The following BRINP3 variants were observed in gnomAD, a reference collection of about 807,000 sequenced individuals.
BRINP3 encodes the protein BMP/retinoic acid-inducible neural-specific protein 3.
BRINP3 carries 19 observed loss-of-function variants against 71.0 expected under a neutral mutation model. The ratio of observed to expected loss-of-function variants is 0.27; its 90% CI spans 0.19 to 0.39. BRINP3 has a LOEUF of 0.39. Among genes scored for constraint, BRINP3 ranks in the 10% least tolerant of loss-of-function variants. The pLI is 1.00. For synonymous variants in BRINP3, 380 were observed against 337.7 expected (o/e 1.13, Z -1.37); for missense variants, 959 against 940.8 (o/e 1.02, Z -0.25).
chr1:190,317,311 C>T (rs1292145502), intron 2 of BRINP3, among the ~76,000 whole-genome samples: 1 of 152,034 alleles, frequency 6.6e-6, no homozygotes, highest in Admixed American at 6.6e-5. Flanking sequence ...CCAAACTCAG[C>T]CATTACCAAG....
intron 2 of BRINP3, among the ~76,000 whole-genome samples, chr1:190,282,629 CT>C (rs1173338940): frequency 2.0e-5 from 3 of 151,872 alleles, no homozygotes; most frequent in African/African-American, 4.8e-5. Context: ...CATGTGCAAT[CT>C]TTATTTCTAT....
At chr1:190,169,521 C>A (rs939121404) in intron 6 of BRINP3, among the ~76,000 whole-genome samples, 1 of 152,118 alleles carries the variant, frequency 6.6e-6, no homozygotes, top group Non-Finnish European at 1.5e-5. Flanking sequence ...TAAATAAATT[C>A]CTTTCTGCTG....
At chr1:190,171,110 G>C (rs1651969962) in intron 6 of BRINP3, among the ~76,000 whole-genome samples, 1 of 152,162 alleles carries the variant, frequency 6.6e-6, no homozygotes, top group East Asian at 1.9e-4. Context: ...TAAAGTGAAG[G>C]TGGTGAGAGA....
At chr1:190,447,349 TTA>T (rs199554405) in intron 2 of BRINP3, among the ~76,000 whole-genome samples, 79 of 144,368 alleles carry the variant, frequency 5.5e-4, no homozygotes, top group East Asian at 2.2e-3. Context: ...TTTGAACATC[TTA>T]TATATATATA....
chr1:190,432,728 T>A (rs1674183454), intron 2 of BRINP3, among the ~76,000 whole-genome samples: 1 of 152,160 alleles, frequency 6.6e-6, no homozygotes, highest in African/African-American at 2.4e-5. Flanking sequence ...TGAATACTAA[T>A]TTAATCCATC....
intron 7 of BRINP3, among the ~76,000 whole-genome samples, chr1:190,153,585 G>C (rs1656606327): frequency 6.6e-6 from 1 of 152,200 alleles, no homozygotes; most frequent in Admixed American, 6.5e-5. Context: ...ACATGTAAGT[G>C]TAAGAAAAAA....
At chr1:190,194,842 T>G (rs1182025034) in intron 6 of BRINP3, among the ~76,000 whole-genome samples, 1 of 152,100 alleles carries the variant, frequency 6.6e-6, no homozygotes, top group Non-Finnish European at 1.5e-5. Flanking sequence ...AGCTAACGTC[T>G]GAAGGCCATG....
At position 190,204,220 on chromosome 1, in the gene BRINP3, G is replaced by A. The variant is rs1655290617; in HGVS notation, c.961+21862C>T. On this transcript the variant is annotated intron_variant, in intron 6 of 7. Transcript: ENST00000367462. The stretch of plus-strand genomic sequence containing the variant: ...TTGTAAAATAAATAAGACCTGAGCT[G>A]ATTTTCATCTTTCTGTAGATAGTTG... Among the ~76,000 whole-genome samples, 7 of 151,980 alleles carry A rather than the reference G, an allele frequency of 4.6e-5. No individual in the cohort carries two copies. In the South Asian group the frequency reaches 1.5e-3, roughly 31 times the overall value.
chr1:190,167,218 A>G (rs1651633950), intron 6 of BRINP3, among the ~76,000 whole-genome samples: 1 of 152,186 alleles, frequency 6.6e-6, no homozygotes, highest in African/African-American at 2.4e-5. Context: ...ATCTGGGCTT[A>G]TACAGGTACA....
At position 190,265,004 on chromosome 1, in the gene BRINP3, G is replaced by C. The variant is rs147308061; in HGVS notation, c.479C>G (p.Ala160Gly). Residue 160 changes from alanine (A) to glycine (G), a missense_variant, in exon 4 of 8, where the codon GCT (alanine) becomes GGT (glycine). Ala to Gly is a moderately conservative substitution (Grantham distance 60, BLOSUM62 0). Coordinates refer to ENST00000367462, the MANE Select transcript of BRINP3 (RefSeq NM_199051.3). Reference protein sequence around the residue: ...FVDKRKLSKRAEGSDSTTNSS... With the variant: ...FVDKRKLSKRGEGSDSTTNSS... ...ATTGGTGGTGGAATCACTTCCTTCAGCTCGTTTGCTCAACTTCCGCTTGTC... is the reference window on the plus strand; with the variant it reads ...ATTGGTGGTGGAATCACTTCCTTCACCTCGTTTGCTCAACTTCCGCTTGTC... 1 of 1,610,770 alleles carries C rather than the reference G, an allele frequency of 6.2e-7. No individual in the cohort carries two copies. Among genetic ancestry groups the C allele is most frequent in the Non-Finnish European group, 8.5e-7 (1 of 1,178,636 alleles).
rs200642622 is a variant in BRINP3, at chr1:190,320,015, CGT to C, written c.237-38267_237-38266del. On this transcript the variant is annotated intron_variant, in intron 2 of 7. Transcript: ENST00000367462. ...TTTAAATTTTGATCTTTGTGATATA[CGT>C]GTGTGTGTGTGTGTAAATGTATGTG... Among the ~76,000 whole-genome samples, 11 of 150,720 alleles carry C rather than the reference CGT, an allele frequency of 7.3e-5. No individual in the cohort carries two copies. The East Asian group carries it at 1.2e-3, about 16-fold the overall frequency.
intron 6 of BRINP3, among the ~76,000 whole-genome samples, chr1:190,191,424 G>C (rs1049291484): frequency 1.1e-4 from 16 of 151,866 alleles, no homozygotes; most frequent in African/African-American, 3.9e-4. Flanking sequence ...CCCCTCAACA[G>C]GCCCCAGTGT....
At position 190,226,435 on chromosome 1, in the gene BRINP3, T is replaced by C. The variant is rs74131321; in HGVS notation, c.725-117A>G. The C allele has an allele frequency of 2.3e-3, 1,305 of 565,280 alleles. 14 individuals are homozygous for C. The highest frequency in any genetic ancestry group is 0.021 in the African/African-American group (1,064 of 51,448). The allele number at this position is 565,280 out of a possible 1,614,324, so 35.0% of individuals were successfully genotyped here. On this transcript the variant is annotated intron_variant, in intron 5 of 7. Transcript: ENST00000367462. Reference sequence around the variant, plus strand: ...ATTTAGTGTATTAAATTTTGAATTATGTATTTTTAAACTATCAGAAAAATA... The same window carrying C: ...ATTTAGTGTATTAAATTTTGAATTACGTATTTTTAAACTATCAGAAAAATA...
At chr1:190,215,744 C>T (rs1195866179) in intron 6 of BRINP3, among the ~76,000 whole-genome samples, 1 of 151,754 alleles carries the variant, frequency 6.6e-6, no homozygotes, top group Non-Finnish European at 1.5e-5. Flanking sequence ...AAGATGGCCG[C>T]CAACTGTCAT....
At chr1:190,123,493 TC>T (rs2102326609) in intron 7 of BRINP3, among the ~76,000 whole-genome samples, 1 of 152,248 alleles carries the variant, frequency 6.6e-6, no homozygotes, top group Non-Finnish European at 1.5e-5. Flanking sequence ...CCATTCAGGT[TC>T]TAAATTTTAT....
chr1:190,215,797 G>T (rs547701968), intron 6 of BRINP3, among the ~76,000 whole-genome samples: 2 of 151,822 alleles, frequency 1.3e-5, no homozygotes, highest in African/African-American at 4.8e-5. Flanking sequence ...AATAGGACAC[G>T]ATGCTGATAA....
At chr1:190,240,478 T>C (rs944255338) in intron 4 of BRINP3, among the ~76,000 whole-genome samples, 9 of 151,164 alleles carry the variant, frequency 6.0e-5, no homozygotes, top group Admixed American at 1.3e-4. Flanking sequence ...AAACAGTTTG[T>C]TTCAAACAGT....
rs530253444 is a variant in BRINP3, at chr1:190,387,653, C to T, written c.236+67002G>A. Among the ~76,000 whole-genome samples, 22 of 151,810 alleles carry T rather than the reference C, an allele frequency of 1.4e-4. No homozygotes were observed. In the South Asian group the frequency reaches 3.3e-3, roughly 23 times the overall value. On this transcript the variant is annotated intron_variant, in intron 2 of 7. Coordinates refer to ENST00000367462, the MANE Select transcript of BRINP3 (RefSeq NM_199051.3). Reference sequence around the variant, plus strand: ...TGTTGTCCTGATTATTCTATTTTTCCGGTTGCTTTTCCTATGTCTCATTTG... The same window carrying T: ...TGTTGTCCTGATTATTCTATTTTTCTGGTTGCTTTTCCTATGTCTCATTTG...
chr1:190,309,407 C>T (rs1003812232), intron 2 of BRINP3, among the ~76,000 whole-genome samples: 2 of 151,708 alleles, frequency 1.3e-5, no homozygotes, highest in Non-Finnish European at 2.9e-5. Flanking sequence ...ATATTTAATA[C>T]AATTGACATA....
Sources: allele counts gnomAD v4.1 joint callset (sites outside exome capture counted in the v4.1 genomes callset), GRCh38; gene constraint gnomAD v4.1.1; transcripts MANE v1.5; gene names NCBI Gene and HGNC (gene_info 2026-07-23, HGNC 2026-07-21).